The following PLXNA4 variants were observed in gnomAD, a reference collection of about 807,000 sequenced individuals.
PLXNA4 encodes the protein plexin-A4.
PLXNA4 carries 44 observed loss-of-function variants against 191.8 expected under a neutral mutation model. That is an observed-to-expected ratio of 0.23 (90% CI 0.18 to 0.29). The LOEUF is 0.29. PLXNA4 is among the 10% of genes least tolerant of loss of function. PLXNA4 has a pLI of 1.00. For missense variants in PLXNA4, 1,800 were observed against 2,488.8 expected (o/e 0.72, Z 5.89); for synonymous variants, 1,082 against 1,009.5 (o/e 1.07, Z -1.36).
At position 132,372,864 on chromosome 7, in the gene PLXNA4, A is replaced by G. The variant is rs142584607; in HGVS notation, c.1372-74642T>C. Reference sequence around the variant, plus strand: ...AGGAAAGTTGAGAGGCTTAAAGAAGATAATCTTTGTCCGTGGGTTCAGCAG... The same window carrying G: ...AGGAAAGTTGAGAGGCTTAAAGAAGGTAATCTTTGTCCGTGGGTTCAGCAG... On this transcript the variant is annotated intron_variant, in intron 3 of 31. Transcript: ENST00000321063. Among the ~76,000 whole-genome samples the G allele has an allele frequency of 1.8e-3, 277 of 152,302 alleles. 2 individuals are homozygous for G. The highest frequency in any genetic ancestry group is 6.5e-3 in the African/African-American group (269 of 41,566).
At chr7:132,514,879 C>A (rs1798877480) in intron 1 of PLXNA4, among the ~76,000 whole-genome samples, 1 of 151,980 alleles carries the variant, frequency 6.6e-6, no homozygotes, top group Non-Finnish European at 1.5e-5. Flanking sequence ...TAGTCATGGT[C>A]AAAAAAATTT....
intron 1 of PLXNA4, among the ~76,000 whole-genome samples, chr7:132,550,814 TTATTG>T (rs1249945714): frequency 2.3e-3 from 2 of 862 alleles, no homozygotes; most frequent in Non-Finnish European, 0.011. Flanking sequence ...AATTTGGGAC[TTATTG>T]CAGTGCAGAC....
At chr7:132,469,823 G>A (rs1796865980) in intron 3 of PLXNA4, among the ~76,000 whole-genome samples, 1 of 152,214 alleles carries the variant, frequency 6.6e-6, no homozygotes, top group Non-Finnish European at 1.5e-5. Flanking sequence ...GATGGCAGTA[G>A]TGCCAGGAAA....
At chr7:132,473,800 A>G (rs1797018953) in intron 3 of PLXNA4, among the ~76,000 whole-genome samples, 1 of 152,094 alleles carries the variant, frequency 6.6e-6, no homozygotes, top group Admixed American at 6.5e-5. Flanking sequence ...TGCCATGGGA[A>G]CGTAATGAGG....
intron 31 of PLXNA4, among the ~76,000 whole-genome samples, chr7:132,132,001 G>A (rs774782908): frequency 3.3e-5 from 5 of 152,322 alleles, no homozygotes; most frequent in Non-Finnish European, 5.9e-5. Flanking sequence ...AGAGAACTCG[G>A]GGCACAAGCT....
intron 3 of PLXNA4, among the ~76,000 whole-genome samples, chr7:132,441,839 GAGA>G (rs1254747578): frequency 1.3e-5 from 2 of 152,208 alleles, no homozygotes; most frequent in African/African-American, 4.8e-5. Flanking sequence ...CTGAATATCA[GAGA>G]AGGATGATCC....
At chr7:132,567,325 CA>C (rs2116733222) in intron 1 of PLXNA4, among the ~76,000 whole-genome samples, 1 of 144,062 alleles carries the variant, frequency 6.9e-6, no homozygotes, top group South Asian at 2.3e-4. Flanking sequence ...CTATCAGTGC[CA>C]AAACCCATAG....
chr7:132,207,289 T>A (rs547262906), intron 10 of PLXNA4, among the ~76,000 whole-genome samples: 3 of 152,162 alleles, frequency 2.0e-5, no homozygotes, highest in Non-Finnish European at 4.4e-5. Context: ...TAAATGACGG[T>A]GCCAAGAGAA....
chr7:132,523,716 G>A (rs1585271072), intron 1 of PLXNA4, among the ~76,000 whole-genome samples: 1 of 152,206 alleles, frequency 6.6e-6, no homozygotes, highest in Non-Finnish European at 1.5e-5. Flanking sequence ...GCCTGACTCA[G>A]GTGACAGTGT....
intron 1 of PLXNA4, among the ~76,000 whole-genome samples, chr7:132,521,414 G>A (rs780747948): frequency 1.3e-5 from 2 of 152,134 alleles, no homozygotes; most frequent in African/African-American, 2.4e-5. Context: ...ATCATAAGGA[G>A]GTTGTTTTGG....
chr7:132,138,747 C>T (rs1795184454), intron 30 of PLXNA4, among the ~76,000 whole-genome samples: 1 of 152,186 alleles, frequency 6.6e-6, no homozygotes, highest in South Asian at 2.1e-4. Flanking sequence ...TTGTGACCTG[C>T]AGCAGCTGCA....
intron 14 of PLXNA4, among the ~76,000 whole-genome samples, chr7:132,187,838 A>G (rs192011199): frequency 1.3e-5 from 2 of 152,262 alleles, no homozygotes; most frequent in African/African-American, 4.8e-5. Context: ...GCTGCCATGT[A>G]CTTATTTTTT....
At chr7:132,164,687 A>T (rs945267610) in intron 23 of PLXNA4, among the ~76,000 whole-genome samples, 7 of 152,284 alleles carry the variant, frequency 4.6e-5, no homozygotes, top group Admixed American at 3.3e-4. Context: ...TAAGTTAATA[A>T]TTGGAAGCTG....
chr7:132,569,280 CTCCT>C (rs1351208880), intron 1 of PLXNA4, among the ~76,000 whole-genome samples: 1 of 152,182 alleles, frequency 6.6e-6, no homozygotes, highest in East Asian at 1.9e-4. Flanking sequence ...ACTATTTGTT[CTCCT>C]TCCTTCCCTA....
At chr7:132,363,703 C>T (rs1462842113) in intron 3 of PLXNA4, among the ~76,000 whole-genome samples, 1 of 152,210 alleles carries the variant, frequency 6.6e-6, no homozygotes, top group Admixed American at 6.5e-5. Context: ...TTGGGCATTA[C>T]CCAGAAGTGT....
At chr7:132,484,194 A>G (rs765769573) in intron 3 of PLXNA4, among the ~76,000 whole-genome samples, 24 of 152,252 alleles carry the variant, frequency 1.6e-4, no homozygotes, top group Non-Finnish European at 3.1e-4. Flanking sequence ...AGCTTAAAAC[A>G]TAGCAGAAGA....
intron 9 of PLXNA4, among the ~76,000 whole-genome samples, chr7:132,220,290 G>A (rs896463606): frequency 1.3e-5 from 2 of 152,104 alleles, no homozygotes; most frequent in South Asian, 2.1e-4. Context: ...AACAACCATC[G>A]CCAGGTGGCC....
intron 3 of PLXNA4, among the ~76,000 whole-genome samples, chr7:132,385,762 A>C (rs1320259702): frequency 1.3e-5 from 2 of 152,204 alleles, no homozygotes; most frequent in Non-Finnish European, 2.9e-5. Flanking sequence ...ACACACACAC[A>C]CATTCTCAGT....
intron 3 of PLXNA4, among the ~76,000 whole-genome samples, chr7:132,373,717 A>C (rs1804540639): frequency 6.6e-6 from 1 of 152,184 alleles, no homozygotes; most frequent in Non-Finnish European, 1.5e-5. Context: ...CAGTGGCTTT[A>C]AATAATGAGG....
Sources: gnomAD v4.1 joint callset for allele counts (sites outside exome capture counted in the v4.1 genomes callset) on GRCh38, gnomAD v4.1.1 for gene constraint, MANE v1.5 for transcripts, NCBI Gene and HGNC (gene_info 2026-07-23, HGNC 2026-07-21) for gene names.